The following ARID2 variants were observed in gnomAD, a reference collection of about 807,000 sequenced individuals.
The protein encoded by ARID2 is AT-rich interaction domain 2.
In ARID2, 32 loss-of-function variants were observed where a neutral mutation model predicts 184.6. That is an observed-to-expected ratio of 0.17 (90% CI 0.13 to 0.23). The LOEUF is 0.23. ARID2 is among the 10% of genes least tolerant of loss of function. The probability of loss-of-function intolerance (pLI) is 1.00; values close to 1 mark genes in which losing one functional copy is unlikely to be tolerated. For synonymous variants in ARID2, 836 were observed against 772.6 expected (o/e 1.08, Z -1.36); for missense variants, 1,696 against 2,197.6 (o/e 0.77, Z 4.56).
At chr12:45,774,893 A>C (rs992555213) in intron 3 of ARID2, among the ~76,000 whole-genome samples, 1 of 152,202 alleles carries the variant, frequency 6.6e-6, no homozygotes, top group Admixed American at 6.5e-5. Context: ...CTACGGCAGT[A>C]GTTCTCCATA....
intron 3 of ARID2, among the ~76,000 whole-genome samples, chr12:45,801,216 G>T (rs1214351998): frequency 2.0e-5 from 3 of 151,992 alleles, no homozygotes; most frequent in Non-Finnish European, 2.9e-5. Flanking sequence ...GTAGGCTGAG[G>T]CAGGAGAATG....
At chr12:45,798,948 TTATAA>T (rs1942443263) in intron 3 of ARID2, among the ~76,000 whole-genome samples, 1 of 151,582 alleles carries the variant, frequency 6.6e-6, no homozygotes, top group Non-Finnish European at 1.5e-5. Flanking sequence ...AATTATATAC[TTATAA>T]TTAAGTGAAA....
rs146042982 is a variant in ARID2 at position 45,771,692 on chromosome 12, CTA to C, written c.285-39709_285-39708del. On this transcript the variant is annotated intron_variant, in intron 3 of 20. Transcript: ENST00000334344. ...TGTCTTAAAGAGCAAATGTGTAAAA[CTA>C]TATATATATATATATAGTCTTTGGG... 2.8e-3 allele frequency among the ~76,000 whole-genome samples: 404 copies of C among 145,282 alleles called. 10 individuals carry two copies. The South Asian group carries it at 0.063, about 23-fold the overall frequency.
At chr12:45,777,323 G>A (rs1255917129) in intron 3 of ARID2, among the ~76,000 whole-genome samples, 1 of 152,014 alleles carries the variant, frequency 6.6e-6, no homozygotes, top group East Asian at 1.9e-4. Context: ...TAATAGTACT[G>A]TTAGTCTATT....
intron 3 of ARID2, among the ~76,000 whole-genome samples, chr12:45,801,503 T>G (rs181121024): frequency 3.0e-4 from 46 of 152,184 alleles, no homozygotes; most frequent in African/African-American, 9.2e-4. Flanking sequence ...AACCTAGCAA[T>G]CCCAACCTTA....
At chr12:45,867,217 G>C (rs1171664073) in intron 16 of ARID2, among the ~76,000 whole-genome samples, 4 of 151,738 alleles carry the variant, frequency 2.6e-5, no homozygotes, top group African/African-American at 9.7e-5. Context: ...CCAAAGTGCT[G>C]GGATTACAGG....
chr12:45,846,236 T>C (rs942631675), intron 11 of ARID2, among the ~76,000 whole-genome samples: 7 of 152,168 alleles, frequency 4.6e-5, no homozygotes, highest in Non-Finnish European at 8.8e-5. Flanking sequence ...ACAACAGATA[T>C]CTTCTTTTTT....
chr12:45,850,311 G>C lies in ARID2; in HGVS notation c.2188G>C (p.Val730Leu), dbSNP rs759495769. ...QNSIPQTGVP[V>L]SIAVGGGPPQ... is the part of the protein sequence containing the mutation. ...TTCCATACCCCAGACAGGAGTTCCT[G>C]TTAGTATTGCTGTTGGAGGAGGACC... The change falls in exon 15 of 21, where the codon GTT becomes CTT. Residue 730 changes from valine (V) to leucine (L), a missense_variant. By Grantham distance (32) the Val-to-Leu change is conservative (BLOSUM62 1). This residue lies in a region of ARID2 where 713 missense variants were observed against 824.4 expected (regional missense o/e 0.86). Transcript: ENST00000334344. 1 of 1,614,072 alleles carries C rather than the reference G, an allele frequency of 6.2e-7. No individual in the cohort carries two copies. Among genetic ancestry groups the C allele is most frequent in the Admixed American group, 1.7e-5 (1 of 60,014 alleles).
chr12:45,811,250 T>G (rs920030241), intron 3 of ARID2, among the ~76,000 whole-genome samples, 168 bp from the exon 4 acceptor site: 2 of 152,036 alleles, frequency 1.3e-5, no homozygotes, highest in Admixed American at 1.3e-4. Context: ...TTATCTGCGG[T>G]TTATCTTACT....
chr12:45,802,529 T>G (rs1942524718), intron 3 of ARID2, among the ~76,000 whole-genome samples: 1 of 152,194 alleles, frequency 6.6e-6, no homozygotes, highest in South Asian at 2.1e-4. Flanking sequence ...TCACCTTTAT[T>G]GTAACGGGTA....
intron 3 of ARID2, among the ~76,000 whole-genome samples, chr12:45,807,546 A>C (rs971879965): frequency 1.3e-5 from 2 of 152,184 alleles, no homozygotes; most frequent in Non-Finnish European, 2.9e-5. Flanking sequence ...ATCTATTGAT[A>C]GATACTATTG....
chr12:45,739,438 CTTTTTTTT>C (rs71067906), intron 3 of ARID2, among the ~76,000 whole-genome samples: 4 of 90,780 alleles, frequency 4.4e-5, no homozygotes, highest in Admixed American at 3.2e-4. Flanking sequence ...TATAAAGTTA[CTTTTTTTT>C]TTTTTTTTTT....
chr12:45,789,190 A>G (rs1263757950), intron 3 of ARID2: 1 of 152,246 alleles, frequency 6.6e-6, no homozygotes, highest in African/African-American at 2.4e-5. Flanking sequence ...AATGACAACC[A>G]GTGATGCCCA....
intron 6 of ARID2, among the ~76,000 whole-genome samples, chr12:45,828,883 C>T (rs1427671620): frequency 6.6e-6 from 1 of 151,734 alleles, no homozygotes; most frequent in Non-Finnish European, 1.5e-5. Flanking sequence ...CTTGCCTTTT[C>T]ATTCTTGAAT....
rs1009221593 is a variant in ARID2 at position 45,903,281 on chromosome 12, T to A, written c.5364-1653T>A. On this transcript the variant is annotated intron_variant, in intron 20 of 20. Transcript: ENST00000334344. ...ATTTCCAATTTGGGGCTATTAAGAG[T>A]AATGCTGCTATAAACATTCTAAACC... Among the ~76,000 whole-genome samples, 4 of 152,308 alleles carry A rather than the reference T, an allele frequency of 2.6e-5. No homozygotes were observed. The Middle Eastern group carries it at 0.01, about 389-fold the overall frequency.
intron 6 of ARID2, among the ~76,000 whole-genome samples, chr12:45,835,212 TA>T (rs1485539856): frequency 6.6e-6 from 1 of 152,202 alleles, no homozygotes; most frequent in African/African-American, 2.4e-5. Flanking sequence ...AGTTCTTTCA[TA>T]TAGTTTTAAT....
intron 16 of ARID2, among the ~76,000 whole-genome samples, chr12:45,887,112 T>A (rs1944204450): frequency 6.6e-6 from 1 of 152,182 alleles, no homozygotes; most frequent in Non-Finnish European, 1.5e-5. Context: ...AGCTCTTCAC[T>A]GGAATAAAAG....
chr12:45,779,560 G>A (rs1043513357), intron 3 of ARID2, among the ~76,000 whole-genome samples: 1 of 152,004 alleles, frequency 6.6e-6, no homozygotes, highest in Non-Finnish European at 1.5e-5. Flanking sequence ...CAGGAGATTT[G>A]GAAATATTTG....
At chr12:45,879,474 C>T (rs1005936832) in intron 16 of ARID2, among the ~76,000 whole-genome samples, 1 of 152,184 alleles carries the variant, frequency 6.6e-6, no homozygotes, top group African/African-American at 2.4e-5. Context: ...TGACCTCCCG[C>T]CCCAAGGGTT....
Sources: gnomAD v4.1 joint callset for allele counts (sites outside exome capture counted in the v4.1 genomes callset) on GRCh38, gnomAD v4.1.1 for gene constraint, gnomAD v4.1.1 regional missense constraint, MANE v1.5 for transcripts, NCBI Gene and HGNC (gene_info 2026-07-23, HGNC 2026-07-21) for gene names.